The following LIMCH1 variants were observed in gnomAD, a reference collection of about 807,000 sequenced individuals.
LIMCH1 encodes LIM and calponin homology domains 1, also known as LIM and calponin homology domains-containing protein 1.
LIMCH1 carries 113 observed loss-of-function variants against 176.5 expected under a neutral mutation model. That is an observed-to-expected ratio of 0.64 (90% confidence interval 0.55 to 0.75). LIMCH1 has a LOEUF of 0.75. Among genes scored for constraint, LIMCH1 ranks in the 30% least tolerant of loss-of-function variants. The pLI, the probability that LIMCH1 is intolerant of heterozygous loss-of-function variation, is 0.00. For synonymous variants in LIMCH1, 619 were observed against 645.9 expected (o/e 0.96, Z 0.63); for missense variants, 1,674 against 1,814.9 (o/e 0.92, Z 1.41).
intron 1 of LIMCH1, among the ~76,000 whole-genome samples, chr4:41,547,013 T>C (rs959347762): frequency 6.6e-6 from 1 of 152,146 alleles, no homozygotes; most frequent in Admixed American, 6.5e-5. Flanking sequence ...TTGTAAACAA[T>C]GTTTATTTTA....
chr4:41,474,499 T>C (rs1354053651), intron 1 of LIMCH1, among the ~76,000 whole-genome samples: 1 of 151,832 alleles, frequency 6.6e-6, no homozygotes, highest in Non-Finnish European at 1.5e-5. Flanking sequence ...AAAATAAAAA[T>C]AAAAATGGGC....
chr4:41,415,978 A>G (rs993157075), intron 1 of LIMCH1, among the ~76,000 whole-genome samples: 4 of 145,654 alleles, frequency 2.7e-5, no homozygotes, highest in Middle Eastern at 3.6e-3. Context: ...CTCCGTCTCG[A>G]AAAAAAAAAA....
In LIMCH1 at chr4:41,696,546, C is replaced by G. The variant is rs1464450817; in HGVS notation, c.4379-614C>G. 2.0e-5 allele frequency among the ~76,000 whole-genome samples: 3 copies of G among 152,234 alleles called. No individual in the cohort carries two copies. In the East Asian group the frequency reaches 5.8e-4, roughly 29 times the overall value. ...AAGTTAAAGTTGAATTTCACATAAACAATACATTTTTTAAGTCTGTGTATG... is the reference window on the plus strand; with the variant it reads ...AAGTTAAAGTTGAATTTCACATAAAGAATACATTTTTTAAGTCTGTGTATG... On this transcript the variant is annotated intron_variant, in intron 31 of 31. Coordinates refer to ENST00000503057, the MANE Select transcript of LIMCH1 (RefSeq NM_001330672.2).
chr4:41,555,367 T>A (rs892600092), intron 1 of LIMCH1, among the ~76,000 whole-genome samples: 10 of 152,198 alleles, frequency 6.6e-5, no homozygotes, highest in Admixed American at 6.5e-5. Context: ...CACAACTACA[T>A]GGTATGCCTA....
Position 41,538,325 on chromosome 4 carries a change from A to G in LIMCH1, c.-266A>G. 1 of 985,454 alleles carries G rather than the reference A, an allele frequency of 1.0e-6. No homozygotes were observed. The highest frequency in any genetic ancestry group is 1.2e-6 in the Non-Finnish European group (1 of 829,950). The allele number at this position is 985,454 out of a possible 1,614,324, so 61.0% of individuals were successfully genotyped here. A position where few individuals can be genotyped will look rare whatever the true frequency, so the allele number is the denominator to read the frequency against. ...TCCCAGAGTGGGTTGGCTGGAGTTC[A>G]TTGCGGAGCATGAGGACGTGTGGGG... On this transcript the variant is annotated 5_prime_UTR_variant, in exon 1 of 32. Transcript: ENST00000503057.
intron 14 of LIMCH1, among the ~76,000 whole-genome samples, chr4:41,640,317 G>A (rs533315538): frequency 1.2e-4 from 18 of 152,358 alleles, no homozygotes; most frequent in Admixed American, 5.2e-4. Flanking sequence ...CATTTTGATA[G>A]AATGGATTTC....
chr4:41,623,875 G>A lies in LIMCH1; in HGVS notation c.726-2833G>A, dbSNP rs145735012. 3.7e-3 allele frequency among the ~76,000 whole-genome samples: 565 copies of A among 152,284 alleles called. 3 individuals carry two copies. The highest frequency in any genetic ancestry group is 0.013 in the African/African-American group (533 of 41,556). ...CAAACAATATATTAGCGGTATCTTA[G>A]CATCAAGAGACAGAAAGTAGGATTT... On this transcript the variant is annotated intron_variant, in intron 7 of 31. Coordinates refer to ENST00000503057, the MANE Select transcript of LIMCH1 (RefSeq NM_001330672.2).
chr4:41,541,558 T>G (rs1225732471), intron 1 of LIMCH1, among the ~76,000 whole-genome samples: 3 of 152,242 alleles, frequency 2.0e-5, no homozygotes. Flanking sequence ...TTGCCAGATC[T>G]GCTTTTGAGT....
chr4:41,554,727 A>T (rs1310192475), intron 1 of LIMCH1, among the ~76,000 whole-genome samples: 2 of 152,088 alleles, frequency 1.3e-5, no homozygotes, highest in Non-Finnish European at 2.9e-5. Context: ...GTGAAAAAAA[A>T]TTTTTGTCTT....
At chr4:41,386,428 T>G (rs2056503446) in intron 1 of LIMCH1, among the ~76,000 whole-genome samples, 1 of 152,234 alleles carries the variant, frequency 6.6e-6, no homozygotes, top group African/African-American at 2.4e-5. Flanking sequence ...AGGGTTGTTT[T>G]CAGGAATACA....
intron 2 of LIMCH1, among the ~76,000 whole-genome samples, chr4:41,503,497 TG>T (rs2073734145): frequency 6.6e-6 from 1 of 152,200 alleles, no homozygotes; most frequent in South Asian, 2.1e-4. Context: ...AGACAGCCTT[TG>T]GAACTTCTAG....
chr4:41,563,369 A>G (rs967347322), intron 1 of LIMCH1, among the ~76,000 whole-genome samples: 1 of 152,192 alleles, frequency 6.6e-6, no homozygotes, highest in African/African-American at 2.4e-5. Flanking sequence ...TACTCTAGGT[A>G]TGTTATTCTC....
intron 21 of LIMCH1, chr4:41,670,687 T>A: frequency 6.0e-6 from 9 of 1,489,800 alleles, no homozygotes; most frequent in Non-Finnish European, 8.1e-6. Flanking sequence ...TTCATGGTTT[T>A]CTGTTTGTTC....
At chr4:41,474,043 T>A (rs909445409) in intron 1 of LIMCH1, among the ~76,000 whole-genome samples, 1 of 151,444 alleles carries the variant, frequency 6.6e-6, no homozygotes, top group African/African-American at 2.4e-5. Flanking sequence ...CAAGGCACGG[T>A]GGTGCGCCCC....
Position 41,638,964 on chromosome 4 carries a change from C to G in LIMCH1, c.2123C>G (p.Ala708Gly). ...CCGAGAACTCCTGTGTCTGATGACGCAGAGTAAGTTGCCTTGTATTTGTAG... is the reference window on the plus strand; with the variant it reads ...CCGAGAACTCCTGTGTCTGATGACGGAGAGTAAGTTGCCTTGTATTTGTAG... The part of the protein sequence containing the change: ...YGPRTPVSDD[A>G]ESTSMFDMRC... The change falls in exon 14 of 32, where the codon GCA becomes GGA. Residue 708 changes from alanine (A) to glycine (G), a missense_variant. Physicochemically the swap from Ala to Gly is moderately conservative, Grantham distance 60. Coordinates refer to ENST00000503057, the MANE Select transcript of LIMCH1 (RefSeq NM_001330672.2). 1 of 1,586,030 alleles carries G rather than the reference C, an allele frequency of 6.3e-7. No individual in the cohort carries two copies. The highest frequency in any genetic ancestry group is 8.5e-7 in the Non-Finnish European group (1 of 1,171,058).
rs1731600736 is a variant in LIMCH1 at position 41,697,806 on chromosome 4, TTAGTATTAGA to T, written c.*623_*632del. 6.6e-6 allele frequency: 1 copy of T among 152,292 alleles called. No individual in the cohort carries two copies. The allele number at this position is 152,292 out of a possible 1,614,324, so 9.4% of individuals were successfully genotyped here. ...ATTATACCAATAAATTATTGCACCG[TTAGTATTAGA>T]TTCTGTGTACCTTGGAAGTTATGTC... On this transcript the variant is annotated 3_prime_UTR_variant, in exon 32 of 32. Coordinates refer to ENST00000503057, the MANE Select transcript of LIMCH1 (RefSeq NM_001330672.2).
In LIMCH1 at chr4:41,504,165, C is replaced by T. The variant is rs75601447; in HGVS notation, c.167+9559C>T. On this transcript the variant is annotated intron_variant, in intron 2 of 26. Transcript: ENST00000313860. ...CCATTTGCTGTCTCCTAGAATAAGGCCCCTCCATTTTCAGCTCTGTCCAAC... is the reference window on the plus strand; with the variant it reads ...CCATTTGCTGTCTCCTAGAATAAGGTCCCTCCATTTTCAGCTCTGTCCAAC... Among the ~76,000 whole-genome samples the T allele has an allele frequency of 1.9e-3, 283 of 152,346 alleles. 5 individuals are homozygous for T. In the East Asian group the frequency reaches 0.053, roughly 29 times the overall value.
intron 7 of LIMCH1, among the ~76,000 whole-genome samples, chr4:41,621,734 T>C (rs1301042944): frequency 1.3e-5 from 2 of 151,114 alleles, no homozygotes; most frequent in Non-Finnish European, 2.9e-5. Flanking sequence ...AGGTGGCTGA[T>C]ATACCCATCT....
At chr4:41,459,993 A>G (rs191450099) in intron 1 of LIMCH1, among the ~76,000 whole-genome samples, 3 of 152,234 alleles carry the variant, frequency 2.0e-5, no homozygotes, top group Admixed American at 6.5e-5. Context: ...TCACTGATGG[A>G]TGAATATCAG....
Sources: gnomAD v4.1 joint callset for allele counts (sites outside exome capture counted in the v4.1 genomes callset) on GRCh38, gnomAD v4.1.1 for gene constraint, MANE v1.5 for transcripts, NCBI Gene and HGNC (gene_info 2026-07-23, HGNC 2026-07-21) for gene names.